SGCZ: variants seen among roughly 807,000 people sequenced by gnomAD.
SGCZ encodes the protein zeta-sarcoglycan.
In SGCZ, 40 loss-of-function variants were observed where a neutral mutation model predicts 41.3. The observed-to-expected ratio is 0.97, with a 90% CI of 0.75 to 1.26. The LOEUF (loss-of-function observed/expected upper bound fraction) is 1.26, where lower values mean the gene tolerates loss of function less well. SGCZ is among the 50% of genes most tolerant of loss of function. The pLI is 0.00. For synonymous variants in SGCZ, 206 were observed against 137.5 expected (o/e 1.50, Z -3.49); for missense variants, 552 against 369.8 (o/e 1.49, Z -4.04).
At chr8:14,516,908 T>C (rs565614076) in intron 2 of SGCZ, among the ~76,000 whole-genome samples, 9 of 152,126 alleles carry the variant, frequency 5.9e-5, no homozygotes, top group Admixed American at 2.0e-4. Context: ...CAAGAGTATA[T>C]GGAAACACTG....
At chr8:14,365,321 T>C (rs1225783605) in intron 2 of SGCZ, among the ~76,000 whole-genome samples, 1 of 152,142 alleles carries the variant, frequency 6.6e-6, no homozygotes, top group Non-Finnish European at 1.5e-5. Context: ...TTTAGTTAAA[T>C]AATTTTTGTA....
intron 2 of SGCZ, among the ~76,000 whole-genome samples, chr8:14,362,683 C>T (rs563739710): frequency 2.6e-5 from 4 of 152,282 alleles, no homozygotes; most frequent in African/African-American, 7.2e-5. Context: ...TGCTTTGGCT[C>T]ACCCTCTGCG....
At position 14,702,812 on chromosome 8, in the gene SGCZ, GGTAGA is replaced by G. The variant is rs1563212866; in HGVS notation, c.40-147891_40-147887del. Among the ~76,000 whole-genome samples the G allele has an allele frequency of 4.2e-5, 5 of 118,260 alleles. 1 individual carries two copies. Among genetic ancestry groups the G allele is most frequent in the African/African-American group, 1.5e-4 (5 of 33,504 alleles). The allele number at this position is 118,260 out of a possible 152,430, so 77.6% of individuals were successfully genotyped here. A position where few individuals can be genotyped will look rare whatever the true frequency, so the allele number is the denominator to read the frequency against. On this transcript the variant is annotated intron_variant, in intron 1 of 7. Transcript: ENST00000382080. ...AGACAGGCAGACAGGTAGGTAGTTA[GGTAGA>G]TAGATAGATAGATAGATAGATAGAT...
intron 1 of SGCZ, among the ~76,000 whole-genome samples, chr8:14,819,974 C>G (rs568143724): frequency 1.3e-5 from 2 of 151,940 alleles, no homozygotes; most frequent in Non-Finnish European, 2.9e-5. Context: ...ATAAAAGAAC[C>G]AGGAAACAAC....
intron 1 of SGCZ, among the ~76,000 whole-genome samples, chr8:14,683,077 G>C (rs1376937018): frequency 6.6e-6 from 1 of 152,118 alleles, no homozygotes; most frequent in Admixed American, 6.6e-5. Context: ...GAAAACCCAT[G>C]ATGATAAATG....
At chr8:14,473,881 T>A (rs10107802) in intron 2 of SGCZ, among the ~76,000 whole-genome samples, 1 of 149,106 alleles carries the variant, frequency 6.7e-6, no homozygotes, top group Non-Finnish European at 1.5e-5. Flanking sequence ...GAGCTTGCAG[T>A]GAGCCAAGAT....
intron 1 of SGCZ, among the ~76,000 whole-genome samples, chr8:14,946,443 GCA>G (rs1360975511): frequency 2.6e-5 from 4 of 152,044 alleles, no homozygotes; most frequent in Admixed American, 6.5e-5. Flanking sequence ...GGTGGTTTTT[GCA>G]CACATTAGTG....
At chr8:14,441,309 G>GC (rs1471940528) in intron 2 of SGCZ, among the ~76,000 whole-genome samples, 1 of 152,186 alleles carries the variant, frequency 6.6e-6, no homozygotes, top group Non-Finnish European at 1.5e-5. Flanking sequence ...GGGGACAGTG[G>GC]CTCACGCCCG....
intron 5 of SGCZ, among the ~76,000 whole-genome samples, chr8:14,162,299 G>A (rs1445247807): frequency 6.6e-6 from 1 of 152,092 alleles, no homozygotes; most frequent in South Asian, 2.1e-4. Flanking sequence ...TCGGAATATG[G>A]ATTAAATAAA....
At chr8:14,934,833 G>C (rs1800033533) in intron 1 of SGCZ, among the ~76,000 whole-genome samples, 1 of 150,504 alleles carries the variant, frequency 6.6e-6, no homozygotes, top group Non-Finnish European at 1.5e-5. Context: ...AATAATATAG[G>C]CTACCTACAA....
At chr8:14,615,079 G>C (rs1806055407) in intron 1 of SGCZ, among the ~76,000 whole-genome samples, 2 of 152,028 alleles carry the variant, frequency 1.3e-5, no homozygotes, top group Admixed American at 6.6e-5. Flanking sequence ...TTAACACAAT[G>C]TAAAAAACAT....
chr8:14,671,037 T>G (rs9325722), intron 1 of SGCZ, among the ~76,000 whole-genome samples: 82,767 of 152,010 alleles, frequency 0.54, 24,067 homozygotes, highest in East Asian at 0.74. Flanking sequence ...GCTGAAGCTT[T>G]GGTTGGGAAA....
At chr8:14,306,066 A>T (rs532866503) in intron 3 of SGCZ, among the ~76,000 whole-genome samples, 1 of 152,354 alleles carries the variant, frequency 6.6e-6, no homozygotes, top group South Asian at 2.1e-4. Context: ...CAAAGTTGAC[A>T]AAATGAATCC....
intron 2 of SGCZ, among the ~76,000 whole-genome samples, chr8:14,402,839 G>A (rs1799115037): frequency 6.7e-6 from 1 of 149,534 alleles, no homozygotes; most frequent in Admixed American, 6.6e-5. Flanking sequence ...GGCATTGGTA[G>A]CTTGATGGGG....
chr8:15,086,020 A>C (rs1413761994), intron 1 of SGCZ, among the ~76,000 whole-genome samples: 1 of 152,212 alleles, frequency 6.6e-6, no homozygotes, highest in Non-Finnish European at 1.5e-5. Flanking sequence ...TTTAATTAAT[A>C]AACATTTGCT....
At position 14,085,637 on chromosome 8, in the gene SGCZ, A is replaced by G. The variant is rs561074297; in HGVS notation, c.*4806T>C. 8.7e-4 allele frequency among the ~76,000 whole-genome samples: 132 copies of G among 151,934 alleles called. No homozygotes were observed. Among genetic ancestry groups the G allele is most frequent in the African/African-American group, 3.0e-3 (124 of 41,526 alleles). On this transcript the variant is annotated 3_prime_UTR_variant, in exon 8 of 8. Transcript: ENST00000382080. Reference sequence around the variant, plus strand: ...AGTGTTCAGCAAGCAGTGAAAGTTGAAACTCAGCTGAGGAGATCCATGCTG... The same window carrying G: ...AGTGTTCAGCAAGCAGTGAAAGTTGGAACTCAGCTGAGGAGATCCATGCTG...
intron 1 of SGCZ, among the ~76,000 whole-genome samples, chr8:14,913,145 C>G (rs1287337380): frequency 6.6e-6 from 1 of 151,962 alleles, no homozygotes; most frequent in African/African-American, 2.4e-5. Flanking sequence ...TACATTCTCA[C>G]TGAATGAAAA....
chr8:15,184,000 G>C (rs1800255851), intron 1 of SGCZ, among the ~76,000 whole-genome samples: 1 of 152,176 alleles, frequency 6.6e-6, no homozygotes, highest in Non-Finnish European at 1.5e-5. Flanking sequence ...AAACTACTTA[G>C]ATACTGAAAG....
At chr8:14,309,561 C>G in intron 3 of SGCZ, 1 of 1,610,470 alleles carries the variant, frequency 6.2e-7, no homozygotes, top group Non-Finnish European at 8.5e-7. Flanking sequence ...CATACAGGGA[C>G]GGTATAACAA....
Sources: gnomAD v4.1 joint callset for allele counts (sites outside exome capture counted in the v4.1 genomes callset) on GRCh38, gnomAD v4.1.1 for gene constraint, MANE v1.5 for transcripts, NCBI Gene and HGNC (gene_info 2026-07-23, HGNC 2026-07-21) for gene names.